The following LRP1B variants were observed in gnomAD, a reference collection of about 807,000 sequenced individuals.
LRP1B encodes the protein LDL receptor related protein 1B.
A neutral mutation model predicts 556.6 loss-of-function variants in LRP1B; 217 were observed. The ratio of observed to expected loss-of-function variants is 0.39; its 90% CI spans 0.35 to 0.44. The LOEUF (loss-of-function observed/expected upper bound fraction) is 0.44, where lower values mean the gene tolerates loss of function less well. LRP1B is among the 20% of genes least tolerant of loss of function. The pLI is 1.00. For synonymous variants in LRP1B, 2,047 were observed against 1,865.8 expected (o/e 1.10, Z -2.50); for missense variants, 5,053 against 5,620.8 (o/e 0.90, Z 3.23).
intron 3 of LRP1B, among the ~76,000 whole-genome samples, chr2:141,332,798 C>G (rs147361909): frequency 2.9e-3 from 374 of 130,180 alleles, no homozygotes; most frequent in African/African-American, 0.011. Flanking sequence ...TATTCCATAT[C>G]TGTCTTTTAA....
At chr2:140,713,853 A>G (rs1034219211) in intron 37 of LRP1B, among the ~76,000 whole-genome samples, 2 of 152,028 alleles carry the variant, frequency 1.3e-5, no homozygotes, top group Non-Finnish European at 2.9e-5. Context: ...AGCCTCCTCC[A>G]CAAAGCTTCT....
At chr2:140,784,399 C>CAG (rs1276092531) in intron 32 of LRP1B, among the ~76,000 whole-genome samples, 2 of 150,742 alleles carry the variant, frequency 1.3e-5, no homozygotes, top group African/African-American at 4.9e-5. Context: ...CACACACACA[C>CAG]ACACACACAC....
chr2:141,529,821 G>T (rs748820062), intron 2 of LRP1B, among the ~76,000 whole-genome samples: 1 of 152,120 alleles, frequency 6.6e-6, no homozygotes, highest in Non-Finnish European at 1.5e-5. Flanking sequence ...GCTGGTGTTA[G>T]TGTGTAGCAC....
intron 2 of LRP1B, among the ~76,000 whole-genome samples, chr2:141,564,896 A>C (rs1686277598): frequency 6.6e-6 from 1 of 152,042 alleles, no homozygotes; most frequent in Admixed American, 6.6e-5. Context: ...AATAAAACCT[A>C]GCAATAAAGA....
chr2:141,437,946 A>T (rs1680824104), intron 3 of LRP1B, among the ~76,000 whole-genome samples: 1 of 152,068 alleles, frequency 6.6e-6, no homozygotes, highest in South Asian at 2.1e-4. Flanking sequence ...TTGTTTACAT[A>T]TTATATTATA....
intron 63 of LRP1B, 55 bp from the exon 64 acceptor site, chr2:140,444,734 A>T: frequency 9.7e-7 from 1 of 1,027,048 alleles, no homozygotes; most frequent in Non-Finnish European, 1.5e-6. Flanking sequence ...ACAACTTCTT[A>T]AACATAGAGT....
At chr2:141,737,336 A>C (rs1049382743) in intron 2 of LRP1B, among the ~76,000 whole-genome samples, 1 of 152,142 alleles carries the variant, frequency 6.6e-6, no homozygotes, top group Non-Finnish European at 1.5e-5. Context: ...TGGACAACAG[A>C]GCAAAACTCT....
chr2:140,423,231 C>A (rs1382526906), intron 66 of LRP1B, among the ~76,000 whole-genome samples: 1 of 152,078 alleles, frequency 6.6e-6, no homozygotes, highest in Admixed American at 6.6e-5. Flanking sequence ...TTTTAGTACC[C>A]TCATTTCTTG....
chr2:141,790,746 A>G (rs574234365), intron 2 of LRP1B, among the ~76,000 whole-genome samples: 2 of 152,078 alleles, frequency 1.3e-5, no homozygotes, highest in African/African-American at 4.8e-5. Context: ...GTATAGAAAA[A>G]TGATTCTAGA....
intron 2 of LRP1B, among the ~76,000 whole-genome samples, chr2:141,514,618 A>T (rs576791291): frequency 2.6e-5 from 4 of 152,300 alleles, no homozygotes; most frequent in African/African-American, 9.6e-5. Context: ...GAAAATTATG[A>T]TAAGGTTATA....
At chr2:141,517,458 G>C (rs1684367870) in intron 2 of LRP1B, among the ~76,000 whole-genome samples, 1 of 152,094 alleles carries the variant, frequency 6.6e-6, no homozygotes, top group African/African-American at 2.4e-5. Flanking sequence ...CGGGGATTCT[G>C]TCTGTGGAAA....
chr2:141,645,978 C>T (rs575071439), intron 2 of LRP1B, among the ~76,000 whole-genome samples: 24 of 152,162 alleles, frequency 1.6e-4, no homozygotes, highest in East Asian at 3.9e-4. Context: ...TTATAAGAGA[C>T]GCAACCCCAC....
chr2:141,575,131 AAAG>A (rs1366677829), intron 2 of LRP1B, among the ~76,000 whole-genome samples: 1 of 152,234 alleles, frequency 6.6e-6, no homozygotes, highest in African/African-American at 2.4e-5. Flanking sequence ...ATATGGAATC[AAAG>A]AAGACCCTGT....
chr2:141,097,237 A>G lies in LRP1B; in HGVS notation c.1014-34964T>C, dbSNP rs147334420. Among the ~76,000 whole-genome samples, 1,266 of 152,344 alleles carry G rather than the reference A, an allele frequency of 8.3e-3. 18 individuals are homozygous for G. The highest frequency in any genetic ancestry group is 0.028 in the African/African-American group (1,180 of 41,596). On this transcript the variant is annotated intron_variant, in intron 7 of 90. Transcript: ENST00000389484. ...ACAAATGGAGAATCTATGGTAATTT[A>G]TGCTCACTCAGAAGACTATGTTCTT...
chr2:141,601,793 G>T (rs1280310389), intron 2 of LRP1B, among the ~76,000 whole-genome samples: 1 of 152,138 alleles, frequency 6.6e-6, no homozygotes, highest in South Asian at 2.1e-4. Flanking sequence ...AGTAGAGACA[G>T]GGTTTCACCA....
rs533204543 is a variant in LRP1B, at chr2:140,924,556, A to G, written c.3137-1409T>C. Among the ~76,000 whole-genome samples the G allele has an allele frequency of 7.2e-5, 11 of 152,202 alleles. 1 individual carries two copies. In the South Asian group the frequency reaches 2.3e-3, roughly 31 times the overall value. On this transcript the variant is annotated intron_variant, in intron 20 of 90. Coordinates refer to ENST00000389484, the MANE Select transcript of LRP1B (RefSeq NM_018557.3). ...ACTAATAAATAACCAAGGAGAAACA[A>G]CCCTGTGGAAGCAAGGGTAAAGAAG... is the stretch of plus-strand genomic sequence containing the variant.
intron 43 of LRP1B, among the ~76,000 whole-genome samples, chr2:140,561,040 T>G (rs1680910638): frequency 6.6e-6 from 1 of 152,144 alleles, no homozygotes; most frequent in Admixed American, 6.6e-5. Flanking sequence ...TCTCCCTGAC[T>G]TTCTCCTGTC....
intron 2 of LRP1B, among the ~76,000 whole-genome samples, chr2:141,510,228 ACACACACC>A (rs1264637463): frequency 4.0e-5 from 6 of 150,362 alleles, no homozygotes; most frequent in African/African-American, 1.2e-4. Flanking sequence ...ACACACACAC[ACACACACC>A]CCCCACAGTC....
chr2:142,093,782 T>C (rs192563947), intron 1 of LRP1B, among the ~76,000 whole-genome samples: 2 of 152,228 alleles, frequency 1.3e-5, no homozygotes, highest in South Asian at 2.1e-4. Flanking sequence ...CAGTCATAGA[T>C]GCAAGTGATC....
Sources: allele counts gnomAD v4.1 joint callset (sites outside exome capture counted in the v4.1 genomes callset), GRCh38; gene constraint gnomAD v4.1.1; transcripts MANE v1.5; gene names NCBI Gene and HGNC (gene_info 2026-07-23, HGNC 2026-07-21).